Variants in ZNF804B observed in about 807,000 individuals in gnomAD.
ZNF804B encodes zinc finger 804B.
A neutral mutation model predicts 101.4 loss-of-function variants in ZNF804B; 80 were observed. The ratio of observed to expected loss-of-function variants is 0.79; its 90% CI spans 0.66 to 0.95. The LOEUF (loss-of-function observed/expected upper bound fraction) is 0.95, where lower values mean the gene tolerates loss of function less well. Among genes scored for constraint, ZNF804B ranks in the 40% least tolerant of loss-of-function variants. The pLI, the probability that ZNF804B is intolerant of heterozygous loss-of-function variation, is 0.00. For synonymous variants in ZNF804B, 622 were observed against 558.8 expected (o/e 1.11, Z -1.59); for missense variants, 1,673 against 1,561.9 (o/e 1.07, Z -1.20).
intron 1 of ZNF804B, among the ~76,000 whole-genome samples, chr7:88,967,885 T>G (rs1305913911): frequency 1.3e-5 from 2 of 151,386 alleles, no homozygotes; most frequent in African/African-American, 4.8e-5. Context: ...TTCATTAGAG[T>G]TAATGGAAAT....
chr7:89,287,640 G>A (rs1326670602), intron 2 of ZNF804B, among the ~76,000 whole-genome samples: 1 of 152,074 alleles, frequency 6.6e-6, no homozygotes, highest in Non-Finnish European at 1.5e-5. Context: ...GCTAACTTTT[G>A]AGTTGCTCAC....
At chr7:89,309,523 A>G (rs977962426) in intron 2 of ZNF804B, among the ~76,000 whole-genome samples, 10 of 152,058 alleles carry the variant, frequency 6.6e-5, no homozygotes, top group African/African-American at 2.4e-4. Flanking sequence ...GCACTTTGGG[A>G]AGCCAAAGCA....
At chr7:88,854,414 C>CCTTCCTTTCTTTCTTT (rs1232481883) in intron 1 of ZNF804B, among the ~76,000 whole-genome samples, 6 of 57,114 alleles carry the variant, frequency 1.1e-4, no homozygotes, top group Non-Finnish European at 1.4e-4. Flanking sequence ...TTTCTTTCTT[C>CCTTCCTTTCTTTCTTT]CTTTCTTTCT....
At chr7:88,949,063 C>T (rs975850316) in intron 1 of ZNF804B, among the ~76,000 whole-genome samples, 1 of 151,414 alleles carries the variant, frequency 6.6e-6, no homozygotes, top group Non-Finnish European at 1.5e-5. Flanking sequence ...TAACGTCATA[C>T]ATATTTTGAT....
intron 2 of ZNF804B, among the ~76,000 whole-genome samples, chr7:89,323,807 G>T (rs879945056): frequency 2.6e-5 from 4 of 152,008 alleles, no homozygotes; most frequent in African/African-American, 4.8e-5. Flanking sequence ...TATGCCATGT[G>T]CTGTCTGTTC....
intron 1 of ZNF804B, among the ~76,000 whole-genome samples, chr7:89,208,943 C>T (rs1409258947): frequency 1.3e-5 from 2 of 151,876 alleles, no homozygotes; most frequent in East Asian, 1.9e-4. Flanking sequence ...ACCTGGGAGG[C>T]GGAGCTTGCA....
At chr7:88,967,077 C>T (rs190443176) in intron 1 of ZNF804B, among the ~76,000 whole-genome samples, 31 of 151,246 alleles carry the variant, frequency 2.0e-4, no homozygotes, top group Non-Finnish European at 4.1e-4. Flanking sequence ...TTACATATGC[C>T]TTACAGAGTT....
intron 2 of ZNF804B, among the ~76,000 whole-genome samples, chr7:89,221,697 TTCTATTCTATTCTA>T (rs1562920953): frequency 1.7e-5 from 1 of 58,166 alleles, no homozygotes; most frequent in African/African-American, 7.5e-5. Context: ...AATATTTCTA[TTCTATTCTATTCTA>T]TTCTATTCTA....
At chr7:89,008,454 T>G (rs935848698) in intron 1 of ZNF804B, among the ~76,000 whole-genome samples, 5 of 152,168 alleles carry the variant, frequency 3.3e-5, no homozygotes, top group African/African-American at 1.2e-4. Flanking sequence ...CTCAGATCAA[T>G]TCTGAGAAAG....
intron 1 of ZNF804B, among the ~76,000 whole-genome samples, chr7:89,063,024 G>A (rs1288649272): frequency 3.3e-5 from 5 of 152,048 alleles, no homozygotes; most frequent in Non-Finnish European, 5.9e-5. Flanking sequence ...TGACATAATA[G>A]TAATACTTTA....
intron 1 of ZNF804B, among the ~76,000 whole-genome samples, chr7:89,182,891 C>A (rs138459563): frequency 0.011 from 1,615 of 152,138 alleles, 29 homozygotes; most frequent in African/African-American, 0.036. Flanking sequence ...GTCTACTCTG[C>A]ACCAGAAAAT....
chr7:88,805,325 C>G (rs1019478836), intron 1 of ZNF804B, among the ~76,000 whole-genome samples: 1 of 152,118 alleles, frequency 6.6e-6, no homozygotes, highest in Non-Finnish European at 1.5e-5. Flanking sequence ...TGTTTTTATT[C>G]CATGTAACTA....
At chr7:88,826,537 G>A (rs958398991) in intron 1 of ZNF804B, among the ~76,000 whole-genome samples, 3 of 152,118 alleles carry the variant, frequency 2.0e-5, no homozygotes, top group African/African-American at 4.8e-5. Flanking sequence ...TCTAATTGGA[G>A]CTTTTAGATA....
At chr7:89,119,186 G>A (rs144289538) in intron 1 of ZNF804B, among the ~76,000 whole-genome samples, 173 of 152,250 alleles carry the variant, frequency 1.1e-3, no homozygotes, top group African/African-American at 3.9e-3. Flanking sequence ...TATCATTAAT[G>A]GTGGTTTTCT....
At chr7:89,196,423 A>G (rs970414322) in intron 1 of ZNF804B, among the ~76,000 whole-genome samples, 2 of 152,194 alleles carry the variant, frequency 1.3e-5, no homozygotes, top group Admixed American at 1.3e-4. Flanking sequence ...CTGGCTAGCC[A>G]TATGCAGAAA....
intron 1 of ZNF804B, among the ~76,000 whole-genome samples, chr7:89,096,084 G>A (rs1774732633): frequency 6.6e-6 from 1 of 151,716 alleles, no homozygotes; most frequent in South Asian, 2.1e-4. Context: ...GAACCCAGGA[G>A]GCGGAGCTTG....
At chr7:89,059,157 G>A (rs889697576) in intron 1 of ZNF804B, among the ~76,000 whole-genome samples, 3 of 152,104 alleles carry the variant, frequency 2.0e-5, no homozygotes, top group Non-Finnish European at 2.9e-5. Context: ...TTCTGGGGAA[G>A]GTATTATTGC....
intron 1 of ZNF804B, among the ~76,000 whole-genome samples, chr7:88,831,090 C>T (rs1791125219): frequency 6.6e-6 from 1 of 151,892 alleles, no homozygotes. Context: ...TTTCACACAT[C>T]TAAAGCAGAC....
intron 1 of ZNF804B, among the ~76,000 whole-genome samples, chr7:88,846,808 A>G (rs1005064989): frequency 5.3e-5 from 8 of 152,094 alleles, no homozygotes; most frequent in African/African-American, 1.9e-4. Flanking sequence ...ATATATGTCT[A>G]CATGTGAGAC....
Sources: allele counts gnomAD v4.1 joint callset (sites outside exome capture counted in the v4.1 genomes callset), GRCh38; gene constraint gnomAD v4.1.1; transcripts MANE v1.5; gene names NCBI Gene and HGNC (gene_info 2026-07-23, HGNC 2026-07-21).